The following MAGI2 variants were observed in gnomAD, a reference collection of about 807,000 sequenced individuals.
The protein encoded by MAGI2 is membrane-associated guanylate kinase, WW and PDZ domain-containing protein 2.
Under a neutral mutation model 133.3 loss-of-function variants are expected in MAGI2, and 35 were observed. That is an observed-to-expected ratio of 0.26 (90% confidence interval 0.20 to 0.35). The LOEUF is 0.35. Ranked by LOEUF, MAGI2 falls within the 10% of genes least tolerant of loss-of-function variation. MAGI2 has a pLI of 1.00. For synonymous variants in MAGI2, 729 were observed against 710.6 expected, an observed-to-expected ratio of 1.03 and a Z score of -0.41; for missense variants, 1,636 against 1,863.4, an observed-to-expected ratio of 0.88 and a Z score of 2.25.
At chr7:78,098,455 A>G (rs1009224619) in intron 20 of MAGI2, among the ~76,000 whole-genome samples, 1 of 152,178 alleles carries the variant, frequency 6.6e-6, no homozygotes, top group Non-Finnish European at 1.5e-5. Flanking sequence ...CATTTTCACT[A>G]CTACATAATT....
At chr7:78,541,034 T>C (rs557311007) in intron 3 of MAGI2, among the ~76,000 whole-genome samples, 13 of 152,338 alleles carry the variant, frequency 8.5e-5, no homozygotes, top group African/African-American at 3.1e-4. Context: ...GCAGTAGTTC[T>C]TGGAGCAGAA....
At chr7:78,035,253 G>A (rs941745692) in intron 21 of MAGI2, 1 of 141,458 alleles carries the variant, frequency 7.1e-6, no homozygotes. Context: ...AAAGCAGAGA[G>A]GGAGGGATCA....
intron 1 of MAGI2, among the ~76,000 whole-genome samples, chr7:79,390,792 G>C (rs1844544797): frequency 6.6e-6 from 1 of 152,134 alleles, no homozygotes; most frequent in Admixed American, 6.5e-5. Context: ...AAAAACTTGG[G>C]AAGAGCAACA....
intron 2 of MAGI2, among the ~76,000 whole-genome samples, chr7:78,720,749 A>G (rs1373334635): frequency 6.6e-6 from 1 of 152,104 alleles, no homozygotes; most frequent in Non-Finnish European, 1.5e-5. Context: ...TCAAAGGATA[A>G]GTTGAGAAAA....
chr7:78,790,773 G>A (rs1476930714), intron 2 of MAGI2, among the ~76,000 whole-genome samples: 1 of 151,976 alleles, frequency 6.6e-6, no homozygotes, highest in Admixed American at 6.6e-5. Context: ...AACAATACAA[G>A]CAATAACAAA....
intron 21 of MAGI2, among the ~76,000 whole-genome samples, chr7:78,020,970 G>C (rs1808337756): frequency 6.6e-6 from 1 of 152,050 alleles, no homozygotes; most frequent in Non-Finnish European, 1.5e-5. Context: ...TAGGATTTAA[G>C]TTACCTACTT....
intron 1 of MAGI2, among the ~76,000 whole-genome samples, chr7:79,365,867 C>CAAAAAAAAAAAAAAAAAA (rs71095399): frequency 1.0e-4 from 5 of 48,872 alleles, no homozygotes; most frequent in Admixed American, 4.5e-4. Flanking sequence ...ACTCTTGTCT[C>CAAAAAAAAAAAAAAAAAA]AAAAAAAAAA....
chr7:79,259,312 A>T (rs1378418312), intron 1 of MAGI2, among the ~76,000 whole-genome samples: 2 of 152,174 alleles, frequency 1.3e-5, no homozygotes, highest in African/African-American at 4.8e-5. Context: ...CTGTTCAAAA[A>T]TTTTAAGCTG....
chr7:78,956,529 T>C (rs1452535400), intron 2 of MAGI2, among the ~76,000 whole-genome samples: 12 of 152,182 alleles, frequency 7.9e-5, no homozygotes, highest in Non-Finnish European at 1.6e-4. Flanking sequence ...ACTTCTGTTT[T>C]CTAAGTTGAG....
At chr7:78,089,769 A>T (rs1451217560) in intron 20 of MAGI2, among the ~76,000 whole-genome samples, 1 of 152,104 alleles carries the variant, frequency 6.6e-6, no homozygotes, top group African/African-American at 2.4e-5. Context: ...TCTTGCTGCC[A>T]TTCTACATTG....
rs117104834 is a variant in MAGI2 at position 78,373,381 on chromosome 7, G to A, written c.1046-4168C>T. Among the ~76,000 whole-genome samples the A allele has an allele frequency of 4.6e-4, 70 of 152,248 alleles. No individual in the cohort carries two copies. In the East Asian group the frequency reaches 0.012, roughly 26 times the overall value. On this transcript the variant is annotated intron_variant, in intron 6 of 21. Transcript: ENST00000354212. ...CATAAGATTTGTAGATTAGGTAATC[G>A]TTTATACGGATGTTAATTTCCTGGG...
intron 9 of MAGI2, among the ~76,000 whole-genome samples, chr7:78,336,364 G>A (rs1191996858): frequency 6.6e-6 from 1 of 152,100 alleles, no homozygotes; most frequent in Non-Finnish European, 1.5e-5. Context: ...CAGATATAGA[G>A]GTAGCGACCA....
chr7:78,718,700 A>C (rs1819961679), intron 2 of MAGI2, among the ~76,000 whole-genome samples: 1 of 152,132 alleles, frequency 6.6e-6, no homozygotes, highest in South Asian at 2.1e-4. Flanking sequence ...TATATATTAC[A>C]GTGTAATAAT....
chr7:78,404,061 C>T (rs952780859), intron 6 of MAGI2, among the ~76,000 whole-genome samples: 5 of 152,082 alleles, frequency 3.3e-5, no homozygotes, highest in Admixed American at 1.3e-4. Flanking sequence ...AATTCCCATT[C>T]ACAATTGCTT....
chr7:78,234,962 A>G (rs1250367477), intron 10 of MAGI2, among the ~76,000 whole-genome samples: 1 of 152,138 alleles, frequency 6.6e-6, no homozygotes, highest in Non-Finnish European at 1.5e-5. Flanking sequence ...GAGAGTGAGG[A>G]ATGTGATTTT....
chr7:78,498,057 A>T (rs753290130), intron 5 of MAGI2, among the ~76,000 whole-genome samples: 2 of 152,158 alleles, frequency 1.3e-5, no homozygotes, highest in Admixed American at 1.3e-4. Flanking sequence ...CTTTAAAAAA[A>T]CTTTTTATTT....
intron 2 of MAGI2, among the ~76,000 whole-genome samples, chr7:78,668,208 T>C (rs1398340744): frequency 6.6e-6 from 1 of 152,182 alleles, no homozygotes; most frequent in Non-Finnish European, 1.5e-5. Flanking sequence ...GAAGTGTCTG[T>C]TCATGTCCTT....
intron 2 of MAGI2, among the ~76,000 whole-genome samples, chr7:78,952,145 T>C (rs1219384708): frequency 6.6e-6 from 1 of 152,158 alleles, no homozygotes; most frequent in African/African-American, 2.4e-5. Context: ...CCTTTGGTTC[T>C]GAAAAGCTAA....
intron 1 of MAGI2, chr7:79,351,788 A>G (rs953746530): frequency 6.6e-6 from 1 of 152,214 alleles, no homozygotes; most frequent in African/African-American, 2.4e-5. Flanking sequence ...GCATTTATCA[A>G]TTGACATGTA....
Sources: allele counts gnomAD v4.1 joint callset (sites outside exome capture counted in the v4.1 genomes callset), GRCh38; gene constraint gnomAD v4.1.1; transcripts MANE v1.5; gene names NCBI Gene and HGNC (gene_info 2026-07-23, HGNC 2026-07-21).